The following ADAMTS6 variants were observed in gnomAD, a reference collection of about 807,000 sequenced individuals.
The protein encoded by ADAMTS6 is A disintegrin and metalloproteinase with thrombospondin motifs 6.
ADAMTS6 carries 23 observed loss-of-function variants against 144.3 expected under a neutral mutation model. The ratio of observed to expected loss-of-function variants is 0.16; its 90% CI spans 0.11 to 0.23. ADAMTS6 has a LOEUF of 0.23. Among genes scored for constraint, ADAMTS6 ranks in the 10% least tolerant of loss-of-function variants. The pLI is 1.00. For missense variants in ADAMTS6, 999 were observed against 1,379.6 expected (o/e 0.72, Z 4.37); for synonymous variants, 444 against 457.5 (o/e 0.97, Z 0.38).
chr5:65,380,321 C>A (rs1197098355), intron 7 of ADAMTS6, among the ~76,000 whole-genome samples: 1 of 151,982 alleles, frequency 6.6e-6, no homozygotes, highest in East Asian at 1.9e-4. Context: ...CTTGTAATCC[C>A]AGCACTTTGG....
intron 7 of ADAMTS6, among the ~76,000 whole-genome samples, chr5:65,388,678 T>A (rs959552009): frequency 6.6e-6 from 1 of 152,334 alleles, no homozygotes; most frequent in East Asian, 1.9e-4. Context: ...TTGATGACGA[T>A]CTTTTAAAAA....
At chr5:65,472,183 A>C (rs1760494538) in intron 2 of ADAMTS6, among the ~76,000 whole-genome samples, 1 of 152,226 alleles carries the variant, frequency 6.6e-6, no homozygotes, top group Admixed American at 6.5e-5. Flanking sequence ...AGAGCAAGTC[A>C]CAATATGCCA....
intron 24 of ADAMTS6, among the ~76,000 whole-genome samples, chr5:65,152,918 C>T (rs997950448): frequency 2.0e-5 from 3 of 152,074 alleles, no homozygotes; most frequent in African/African-American, 7.2e-5. Flanking sequence ...CTCATTTTTC[C>T]AGGTAGTTAT....
intron 12 of ADAMTS6, among the ~76,000 whole-genome samples, chr5:65,270,292 A>G (rs1761952324): frequency 6.6e-6 from 1 of 152,212 alleles, no homozygotes. Flanking sequence ...CTTTCCAAAT[A>G]TTATAGCCCT....
chr5:65,466,092 G>A (rs1759975455), intron 3 of ADAMTS6, among the ~76,000 whole-genome samples: 2 of 152,188 alleles, frequency 1.3e-5, no homozygotes, highest in East Asian at 1.9e-4. Context: ...TCCTCGAACA[G>A]CTTTTTCATC....
At position 65,224,324 on chromosome 5, in the gene ADAMTS6, A is replaced by G. The variant is rs762223766; in HGVS notation, c.2268T>C (p.Tyr756=). The G allele has an allele frequency of 1.2e-6, 2 of 1,613,650 alleles. No homozygotes were observed. Among genetic ancestry groups the G allele is most frequent in the Non-Finnish European group, 1.7e-6 (2 of 1,179,648 alleles). Residue 756 remains tyrosine (Y), a synonymous_variant, in exon 18 of 25, where the codon TAT becomes TAC. Transcript: ENST00000381055. ...EVREVAMSKN[Y]IALKSEGDDY... is the part of the protein sequence containing the mutation. The stretch of plus-strand genomic sequence containing the variant: ...TAGCATACCAGTCTAACATACCAAT[A>G]TAGTTCTTTGACATGGCAACTTCTC...
intron 9 of ADAMTS6, among the ~76,000 whole-genome samples, chr5:65,301,687 G>A (rs1743388063): frequency 6.9e-6 from 1 of 145,898 alleles, no homozygotes; most frequent in Non-Finnish European, 1.5e-5. Flanking sequence ...TGGTCTGAAC[G>A]AGGGTGCCGG....
At chr5:65,378,006 T>C (rs1482886502) in intron 7 of ADAMTS6, among the ~76,000 whole-genome samples, 1 of 150,436 alleles carries the variant, frequency 6.6e-6, no homozygotes, top group Non-Finnish European at 1.5e-5. Context: ...TGTTTGTCTC[T>C]GTCTCTGTAT....
intron 24 of ADAMTS6, among the ~76,000 whole-genome samples, chr5:65,162,224 A>C (rs1478752508): frequency 1.3e-5 from 2 of 152,216 alleles, no homozygotes; most frequent in Non-Finnish European, 2.9e-5. Context: ...TATAGAGAAG[A>C]TTTTGGAGAA....
intron 7 of ADAMTS6, among the ~76,000 whole-genome samples, chr5:65,347,630 A>T (rs1031832536): frequency 1.2e-4 from 18 of 152,282 alleles, no homozygotes; most frequent in Admixed American, 3.3e-4. Context: ...AGCACAGATT[A>T]AAAAAGCAAA....
intron 11 of ADAMTS6, among the ~76,000 whole-genome samples, chr5:65,278,311 C>T (rs1762724548): frequency 6.6e-6 from 1 of 152,154 alleles, no homozygotes; most frequent in Non-Finnish European, 1.5e-5. Flanking sequence ...AGAGTCTTTT[C>T]CATATAATGA....
chr5:65,440,634 T>G (rs1477640313), intron 7 of ADAMTS6, among the ~76,000 whole-genome samples: 1 of 152,188 alleles, frequency 6.6e-6, no homozygotes, highest in Non-Finnish European at 1.5e-5. Context: ...TCATATGACG[T>G]AAGAGAAGCA....
chr5:65,260,559 G>C, intron 14 of ADAMTS6, 41 bp downstream of exon 14: 1 of 1,569,124 alleles, frequency 6.4e-7, no homozygotes, highest in East Asian at 2.3e-5. Context: ...TCTAGGGAAA[G>C]AGTAAGCTAA....
chr5:65,290,892 G>C (rs1320637181), intron 11 of ADAMTS6, among the ~76,000 whole-genome samples: 1 of 151,956 alleles, frequency 6.6e-6, no homozygotes, highest in Non-Finnish European at 1.5e-5. Flanking sequence ...TGTGGGCAGT[G>C]GATGAAGCAA....
intron 7 of ADAMTS6, among the ~76,000 whole-genome samples, chr5:65,372,326 G>A (rs1312709212): frequency 1.3e-5 from 2 of 151,886 alleles, no homozygotes; most frequent in African/African-American, 2.4e-5. Flanking sequence ...TGGATAAAGA[G>A]TCAAGACCCA....
intron 24 of ADAMTS6, among the ~76,000 whole-genome samples, chr5:65,160,141 T>C (rs570952610): frequency 6.6e-6 from 1 of 152,154 alleles, no homozygotes; most frequent in Non-Finnish European, 1.5e-5. Flanking sequence ...ATTTTAGATC[T>C]CAATACGTCT....
At chr5:65,470,218 C>T (rs1760329419) in intron 3 of ADAMTS6, among the ~76,000 whole-genome samples, 1 of 152,080 alleles carries the variant, frequency 6.6e-6, no homozygotes, top group South Asian at 2.1e-4. Context: ...GCCACCTCAC[C>T]CAGCCTAGAA....
intron 7 of ADAMTS6, among the ~76,000 whole-genome samples, chr5:65,374,024 T>C (rs966729624): frequency 1.5e-4 from 23 of 152,204 alleles, no homozygotes; most frequent in African/African-American, 4.8e-4. Context: ...ATTATCTCAA[T>C]AGATGCAGAA....
intron 20 of ADAMTS6, 116 bp from the exon 21 acceptor site, chr5:65,197,267 T>C: frequency 1.0e-6 from 1 of 1,004,960 alleles, no homozygotes; most frequent in African/African-American, 1.6e-5. Context: ...GTCTTATCTG[T>C]TCCACATTGG....
Sources: gnomAD v4.1 joint callset for allele counts (sites outside exome capture counted in the v4.1 genomes callset) on GRCh38, gnomAD v4.1.1 for gene constraint, MANE v1.5 for transcripts, NCBI Gene and HGNC (gene_info 2026-07-23, HGNC 2026-07-21) for gene names.